IL1RAPL1: variants seen among roughly 807,000 people sequenced by gnomAD.
The protein encoded by IL1RAPL1 is interleukin 1 receptor accessory protein like 1, also known as interleukin-1 receptor accessory protein-like 1.
A neutral mutation model predicts 48.4 loss-of-function variants in IL1RAPL1; 3 were observed. That is an observed-to-expected ratio of 0.06 (90% CI 0.03 to 0.16). The LOEUF is 0.16. Ranked by LOEUF, IL1RAPL1 falls within the 10% of genes least tolerant of loss-of-function variation. IL1RAPL1 has a pLI of 1.00. For synonymous variants in IL1RAPL1, 185 were observed against 187.7 expected (o/e 0.99, Z 0.12); for missense variants, 349 against 530.6 (o/e 0.66, Z 3.36).
intron 2 of IL1RAPL1, among the ~76,000 whole-genome samples, chrX:28,919,308 G>A (rs1923561692): frequency 8.9e-6 from 1 of 111,763 alleles, no homozygotes; most frequent in Admixed American, 9.5e-5. Flanking sequence ...CACGAGCATG[G>A]GACAACCAGT....
At chrX:29,748,289 C>A (rs1055168840) in intron 6 of IL1RAPL1, among the ~76,000 whole-genome samples, 15 of 111,889 alleles carry the variant, frequency 1.3e-4, no homozygotes, top group African/African-American at 4.9e-4. Context: ...TTTCCAGGTA[C>A]CAAAAACTTT....
intron 3 of IL1RAPL1, among the ~76,000 whole-genome samples, chrX:29,384,175 T>C (rs1479898027): frequency 1.8e-5 from 2 of 111,719 alleles, no homozygotes; most frequent in Non-Finnish European, 3.8e-5. Context: ...TAGAAGAAAC[T>C]TAACATGGGA....
Position 29,542,259 on chromosome X carries a change from C to G in IL1RAPL1, c.704-126171C>G, listed in dbSNP as rs1336234587. ...TAGTCCAAATAGTGTGAGACTGAAA[C>G]CAGGGATATCAGCTTTCATCATCCT... is the stretch of plus-strand genomic sequence containing the variant. On this transcript the variant is annotated intron_variant, in intron 5 of 10. Transcript: ENST00000378993. Among the ~76,000 whole-genome samples, 3 of 111,484 alleles carry G rather than the reference C, an allele frequency of 2.7e-5. No individual in the cohort carries two copies. The Admixed American group carries it at 2.9e-4, about 11-fold the overall frequency.
At chrX:29,834,730 A>G (rs1206081843) in intron 6 of IL1RAPL1, among the ~76,000 whole-genome samples, 4 of 111,752 alleles carry the variant, frequency 3.6e-5, no homozygotes, top group Non-Finnish European at 7.5e-5. Context: ...TTCATGCTAC[A>G]TGACTGGTTA....
intron 6 of IL1RAPL1, among the ~76,000 whole-genome samples, chrX:29,801,015 A>AAC (rs1569171976): frequency 3.0e-5 from 2 of 65,651 alleles, no homozygotes; most frequent in Non-Finnish European, 5.6e-5. Flanking sequence ...AAAAAAAAAA[A>AAC]AAAAAAAAAA....
Position 29,802,485 on chromosome X carries a change from G to A in IL1RAPL1, c.779-114979G>A, listed in dbSNP as rs189029998. On this transcript the variant is annotated intron_variant, in intron 6 of 10. Coordinates refer to ENST00000378993, the MANE Select transcript of IL1RAPL1 (RefSeq NM_014271.4). Reference sequence around the variant, plus strand: ...ATAAATATCAATAACTAGAAACAACGATGTTACCAAAAAAAAGACATACAA... The same window carrying A: ...ATAAATATCAATAACTAGAAACAACAATGTTACCAAAAAAAAGACATACAA... Among the ~76,000 whole-genome samples, 634 of 107,716 alleles carry A rather than the reference G, an allele frequency of 5.9e-3. 4 individuals carry two copies. Among genetic ancestry groups the A allele is most frequent in the Middle Eastern group, 0.014 (3 of 207 alleles). The allele number at this position is 107,716 out of a possible 115,157, so 93.5% of individuals were successfully genotyped here.
intron 5 of IL1RAPL1, among the ~76,000 whole-genome samples, chrX:29,571,239 T>TAAC (rs1454367286): frequency 9.0e-6 from 1 of 110,636 alleles, no homozygotes; most frequent in East Asian, 2.8e-4. Context: ...ATAATAATAA[T>TAAC]AATAATTTGT....
chrX:29,741,083 G>C (rs954731880), intron 6 of IL1RAPL1, among the ~76,000 whole-genome samples: 1 of 112,154 alleles, frequency 8.9e-6, no homozygotes, highest in African/African-American at 3.2e-5. Flanking sequence ...CTAAACATTA[G>C]TCTTATATCT....
At chrX:29,161,793 G>C (rs933313550) in intron 2 of IL1RAPL1, among the ~76,000 whole-genome samples, 8 of 112,210 alleles carry the variant, frequency 7.1e-5, no homozygotes, top group African/African-American at 2.3e-4. Flanking sequence ...GTGGAAGACA[G>C]TGTGGCGATT....
At chrX:28,760,012 T>C (rs1022756740) in intron 1 of IL1RAPL1, among the ~76,000 whole-genome samples, 3 of 112,170 alleles carry the variant, frequency 2.7e-5, no homozygotes, top group African/African-American at 9.7e-5. Flanking sequence ...TCTGTACTTT[T>C]AGGACTCAAA....
intron 1 of IL1RAPL1, among the ~76,000 whole-genome samples, chrX:28,657,040 A>AG (rs1482753463): frequency 6.4e-5 from 7 of 109,616 alleles, no homozygotes; most frequent in Middle Eastern, 9.4e-3. Context: ...AAAAAAAAAA[A>AG]AAAAAAGATT....
intron 6 of IL1RAPL1, among the ~76,000 whole-genome samples, chrX:29,765,833 C>A (rs1385794320): frequency 1.8e-5 from 2 of 110,822 alleles, no homozygotes; most frequent in Non-Finnish European, 3.8e-5. Context: ...TTCTCACTTA[C>A]AAGTGGGAAC....
At chrX:28,945,548 AATGAGAACAC>A (rs1924276518) in intron 2 of IL1RAPL1, among the ~76,000 whole-genome samples, 1 of 110,452 alleles carries the variant, frequency 9.1e-6, no homozygotes. Flanking sequence ...GGAGTTGAAC[AATGAGAACAC>A]ATGACACAGG....
chrX:29,942,861 TC>T (rs1317490134), intron 9 of IL1RAPL1, among the ~76,000 whole-genome samples: 2 of 110,378 alleles, frequency 1.8e-5, no homozygotes, highest in African/African-American at 3.3e-5. Flanking sequence ...CCTCAGGTGA[TC>T]CCCCCATCTC....
At chrX:28,933,649 C>A (rs753303996) in intron 2 of IL1RAPL1, among the ~76,000 whole-genome samples, 143 of 111,058 alleles carry the variant, frequency 1.3e-3, no homozygotes, top group Non-Finnish European at 2.3e-3. Context: ...GGGGAGAGTC[C>A]GTACAGTAAA....
intron 5 of IL1RAPL1, among the ~76,000 whole-genome samples, chrX:29,552,247 A>G (rs1156399395): frequency 9.0e-6 from 1 of 111,582 alleles, no homozygotes; most frequent in Non-Finnish European, 1.9e-5. Flanking sequence ...CCCCTTTGCC[A>G]TGCACATTAA....
intron 2 of IL1RAPL1, among the ~76,000 whole-genome samples, chrX:28,808,058 C>T (rs919539402): frequency 9.0e-6 from 1 of 110,811 alleles, no homozygotes; most frequent in Non-Finnish European, 1.9e-5. Context: ...GTGTCCAAGG[C>T]TACACTTTGC....
intron 1 of IL1RAPL1, among the ~76,000 whole-genome samples, chrX:28,752,951 A>T (rs1936060348): frequency 8.9e-6 from 1 of 111,810 alleles, no homozygotes; most frequent in Admixed American, 9.5e-5. Flanking sequence ...CATACATACT[A>T]CTCTCTCTTA....
chrX:28,737,965 A>AGAAG (rs1266890001), intron 1 of IL1RAPL1, among the ~76,000 whole-genome samples: 5 of 110,671 alleles, frequency 4.5e-5, no homozygotes, highest in African/African-American at 9.9e-5. Flanking sequence ...AATGTAGAAA[A>AGAAG]GAAGGAAGGA....
Sources: gnomAD v4.1 joint callset for allele counts (sites outside exome capture counted in the v4.1 genomes callset) on GRCh38, gnomAD v4.1.1 for gene constraint, MANE v1.5 for transcripts, NCBI Gene and HGNC (gene_info 2026-07-23, HGNC 2026-07-21) for gene names.